The following ZNF367 variants were observed in gnomAD, a reference collection of about 807,000 sequenced individuals.
ZNF367 encodes the protein zinc finger protein 367.
A neutral mutation model predicts 31.8 loss-of-function variants in ZNF367; 11 were observed. The ratio of observed to expected loss-of-function variants is 0.35; its 90% CI spans 0.22 to 0.57. ZNF367 has a LOEUF of 0.57. Among genes scored for constraint, ZNF367 ranks in the 20% least tolerant of loss-of-function variants. The pLI, the probability that ZNF367 is intolerant of heterozygous loss-of-function variation, is 0.85. For synonymous variants in ZNF367, 199 were observed against 202.4 expected (o/e 0.98, Z 0.14); for missense variants, 353 against 484.1 (o/e 0.73, Z 2.54).
At chr9:96,392,267 G>A in intron 4 of ZNF367, 131 bp downstream of exon 4, 1 of 1,357,150 alleles carries the variant, frequency 7.4e-7, no homozygotes, top group Non-Finnish European at 1.0e-6. Context: ...AAAATCAGGG[G>A]TCATTTCTAA....
intron 1 of ZNF367, among the ~76,000 whole-genome samples, chr9:96,404,797 A>T (rs1420679321): frequency 6.6e-6 from 1 of 152,204 alleles, no homozygotes. Flanking sequence ...ATCACAGGAC[A>T]TTACAAAGAA....
chr9:96,390,781 G>A (rs1448148694), intron 4 of ZNF367, among the ~76,000 whole-genome samples: 2 of 151,740 alleles, frequency 1.3e-5, no homozygotes, highest in African/African-American at 4.8e-5. Flanking sequence ...CTACTCAGGG[G>A]GCTGAAGTGG....
At chr9:96,407,733 CGTGTGCTTT>C in intron 1 of ZNF367, 1 of 1,377,880 alleles carries the variant, frequency 7.3e-7, no homozygotes, top group Non-Finnish European at 1.0e-6. Flanking sequence ...TAGTTACTAA[CGTGTGCTTT>C]GTTGGAGATG....
chr9:96,417,859 G>A lies in ZNF367; in HGVS notation c.174C>T (p.Pro58=), dbSNP rs776063520. Residue 58 remains proline (P), a synonymous_variant, in exon 1 of 5, where the codon CCC becomes CCT. Transcript: ENST00000375256. This position sits in a 1 kb window ranked among gnomAD's most constrained non-coding sequence, Gnocchi z 5.0. ...TGAAGTCGCTGAAGCCGGGGCTGGTGGGGATGAGCGGCGGCGGCGGCTCCG... is the reference window on the plus strand; with the variant it reads ...TGAAGTCGCTGAAGCCGGGGCTGGTAGGGATGAGCGGCGGCGGCGGCTCCG... ...GEPEPPPPLI[P]TSPGFSDFMV... The A allele has an allele frequency of 2.6e-6, 4 of 1,517,404 alleles. No homozygotes were observed. In the Admixed American group the frequency reaches 8.8e-5, roughly 34 times the overall value. 94.0% of individuals were successfully genotyped at this position (1,517,404 alleles called of 1,614,324 possible). A position where few individuals can be genotyped will look rare whatever the true frequency, so the allele number is the denominator to read the frequency against.
chr9:96,391,430 G>C (rs1488065771), intron 4 of ZNF367, among the ~76,000 whole-genome samples: 1 of 152,158 alleles, frequency 6.6e-6, no homozygotes, highest in African/African-American at 2.4e-5. Flanking sequence ...GAGTGCTCCA[G>C]GCAGAGGAAG....
intron 1 of ZNF367, among the ~76,000 whole-genome samples, chr9:96,414,463 C>CA (rs1409564332): frequency 1.3e-5 from 2 of 152,286 alleles, no homozygotes; most frequent in African/African-American, 4.8e-5. Flanking sequence ...AAATACAATT[C>CA]AAACCCATGC....
intron 4 of ZNF367, among the ~76,000 whole-genome samples, chr9:96,388,706 C>T (rs1054580683): frequency 3.9e-5 from 6 of 152,226 alleles, no homozygotes; most frequent in African/African-American, 1.4e-4. Flanking sequence ...TCTCAAATCA[C>T]GTTTTTGCCA....
At chr9:96,403,257 C>T (rs1831630705) in intron 1 of ZNF367, among the ~76,000 whole-genome samples, 1 of 152,094 alleles carries the variant, frequency 6.6e-6, no homozygotes, top group African/African-American at 2.4e-5. Context: ...CATGAGCCCC[C>T]GTGCCCAGCC....
rs567693346 is a variant in ZNF367 at position 96,392,618 on chromosome 9, T to A, written c.692-82A>T. 4.9e-5 allele frequency: 74 copies of A among 1,502,118 alleles called. No homozygotes were observed. In the South Asian group the frequency reaches 9.4e-4, roughly 19 times the overall value. 93.0% of individuals were successfully genotyped at this position (1,502,118 alleles called of 1,614,324 possible). ...TGGAAAACATTCAGTTTCACTGGTA[T>A]CCAGAAAAGTAAATTAATATGGTGA... On this transcript the variant is annotated intron_variant, in intron 3 of 4. Transcript: ENST00000375256.
Position 96,398,192 on chromosome 9 carries a change from C to T in ZNF367, c.543G>A (p.Ser181=), listed in dbSNP as rs200181991. The T allele has an allele frequency of 8.1e-6, 13 of 1,597,636 alleles. No individual in the cohort carries two copies. The Middle Eastern group carries it at 5.0e-4, about 62-fold the overall frequency. Residue 181 remains serine, a synonymous_variant, in exon 2 of 5, where the codon TCG becomes TCA. Transcript: ENST00000375256. Reference sequence around the variant, plus strand: ...TATGAGTCCTTTTGTGAGCCTGGAGCGATTTCTCCCGTGGAAACACCCTAT... The same window carrying T: ...TATGAGTCCTTTTGTGAGCCTGGAGTGATTTCTCCCGTGGAAACACCCTAT... ...ICNRVFPREK[S]LQAHKRTHTG...
At chr9:96,415,984 G>A (rs1048807754) in intron 1 of ZNF367, among the ~76,000 whole-genome samples, 12 of 151,690 alleles carry the variant, frequency 7.9e-5, no homozygotes, top group African/African-American at 2.9e-4. Context: ...GCCCAGGCTG[G>A]TCTTGAACTC....
Position 96,417,010 on chromosome 9 carries a change from C to A in ZNF367, c.420+603G>T, listed in dbSNP as rs1831839979. 6.6e-6 allele frequency among the ~76,000 whole-genome samples: 1 copy of A among 152,226 alleles called. No individual in the cohort carries two copies. Among genetic ancestry groups the A allele is most frequent in the Non-Finnish European group, 1.5e-5 (1 of 68,048 alleles). Reference sequence around the variant, plus strand: ...ATAGGTTTGAACCAGTGGTAACGACCTTCCCAGCTTTAAGCAGTCGGAGAC... The same window carrying A: ...ATAGGTTTGAACCAGTGGTAACGACATTCCCAGCTTTAAGCAGTCGGAGAC... On this transcript the variant is annotated intron_variant, in intron 1 of 4. Coordinates refer to ENST00000375256, the MANE Select transcript of ZNF367 (RefSeq NM_153695.4). This position sits in a 1 kb window ranked among gnomAD's most constrained non-coding sequence, Gnocchi z 5.0.
rs72546575 is a variant in ZNF367, at chr9:96,417,437, G to GCC, written c.420+174_420+175dup. 8.7e-3 allele frequency among the ~76,000 whole-genome samples: 1,142 copies of GCC among 131,362 alleles called. 11 individuals are homozygous for GCC. The highest frequency in any genetic ancestry group is 0.032 in the South Asian group (147 of 4,610). 86.2% of individuals were successfully genotyped at this position (131,362 alleles called of 152,430 possible). ...GCCGCTCCCGCCTGTCACGTGACAG[G>GCC]CCCCCCCCGACTGGGGCCGGTTTTT... On this transcript the variant is annotated intron_variant, in intron 1 of 4. Transcript: ENST00000375256. The surrounding 1 kb of genome is among the most constrained non-coding windows in gnomAD (Gnocchi z 5.0).
chr9:96,402,264 G>T (rs999478463), intron 1 of ZNF367, among the ~76,000 whole-genome samples: 1 of 151,710 alleles, frequency 6.6e-6, no homozygotes, highest in Admixed American at 6.6e-5. Context: ...CCAAAAAAAA[G>T]AAAGAAAGAA....
intron 1 of ZNF367, among the ~76,000 whole-genome samples, chr9:96,399,547 G>T (rs1183143503): frequency 2.0e-5 from 3 of 152,180 alleles, no homozygotes; most frequent in Non-Finnish European, 4.4e-5. Context: ...GTCGGGCGTG[G>T]TAGCTTACGC....
intron 3 of ZNF367, among the ~76,000 whole-genome samples, chr9:96,394,301 G>A (rs1022075417): frequency 2.0e-5 from 3 of 152,124 alleles, no homozygotes; most frequent in Non-Finnish European, 4.4e-5. Context: ...TTGAACTCGT[G>A]GAGATAGACA....
intron 1 of ZNF367, among the ~76,000 whole-genome samples, chr9:96,406,314 T>C (rs1335087074): frequency 6.6e-6 from 1 of 152,190 alleles, no homozygotes; most frequent in Non-Finnish European, 1.5e-5. Context: ...CCTGAAACCT[T>C]GAAGGATAGT....
intron 1 of ZNF367, among the ~76,000 whole-genome samples, chr9:96,415,183 C>G (rs1449645453): frequency 2.0e-5 from 3 of 150,064 alleles, no homozygotes; most frequent in African/African-American, 7.4e-5. Context: ...GCCTCCCGAG[C>G]AGGTGGGACT....
In ZNF367 at chr9:96,387,958, T is replaced by C. The variant is rs759608000; in HGVS notation, c.*279A>G. 12 of 353,540 alleles carry C rather than the reference T, an allele frequency of 3.4e-5. No homozygotes were observed. The highest frequency in any genetic ancestry group is 5.6e-5 in the Non-Finnish European group (11 of 197,702). The allele number at this position is 353,540 out of a possible 1,614,324, so 21.9% of individuals were successfully genotyped here. On this transcript the variant is annotated 3_prime_UTR_variant, in exon 5 of 5. Transcript: ENST00000375256. The stretch of plus-strand genomic sequence containing the variant: ...TGAGAACTGCTTCCAATGAATGCAT[T>C]AAACTTGCAAAATCTAGCTTCCCAC...
Sources: gnomAD v4.1 joint callset for allele counts (sites outside exome capture counted in the v4.1 genomes callset) on GRCh38, gnomAD v4.1.1 for gene constraint, Gnocchi (gnomAD v3.1) non-coding constraint, MANE v1.5 for transcripts, NCBI Gene and HGNC (gene_info 2026-07-23, HGNC 2026-07-21) for gene names.